Variants in CDHR1 observed in about 807,000 individuals in gnomAD.
The protein encoded by CDHR1 is cadherin-related family member 1.
Under a neutral mutation model 72.1 loss-of-function variants are expected in CDHR1, and 61 were observed. The observed-to-expected ratio is 0.85, with a 90% CI of 0.69 to 1.05. The LOEUF (loss-of-function observed/expected upper bound fraction) is 1.05. Ranked by LOEUF, CDHR1 falls within the 50% of genes least tolerant of loss-of-function variation. The probability of loss-of-function intolerance (pLI) is 0.00; values close to 1 mark genes in which losing one functional copy is unlikely to be tolerated. For missense variants in CDHR1, 1,186 were observed against 1,115.7 expected (o/e 1.06, Z -0.90); for synonymous variants, 470 against 448.1 (o/e 1.05, Z -0.62).
intron 5 of CDHR1, 87 bp downstream of exon 5, chr10:84,199,208 C>G: frequency 1.9e-6 from 2 of 1,058,238 alleles, no homozygotes; most frequent in Non-Finnish European, 2.9e-6. Context: ...GGCCATGGCT[C>G]ACTGCCCTGT....
chr10:84,209,070 A>C (rs1842282957), intron 12 of CDHR1, among the ~76,000 whole-genome samples, 189 bp downstream of exon 12: 1 of 152,160 alleles, frequency 6.6e-6, no homozygotes, highest in Non-Finnish European at 1.5e-5. Flanking sequence ...CCTGGCTTCC[A>C]CACCACAACC....
chr10:84,211,505 G>A, intron 13 of CDHR1, 143 bp from the exon 14 acceptor site: 1 of 748,048 alleles, frequency 1.3e-6, no homozygotes. Flanking sequence ...GGGATCCCGG[G>A]CAGGTCTCTC....
Position 84,215,364 on chromosome 10 carries a change from G to A in CDHR1, c.*743G>A, listed in dbSNP as rs1369951228. On this transcript the variant is annotated 3_prime_UTR_variant, in exon 17 of 17. Transcript: ENST00000623527. ...CCTGAGCCGCAAAATGTCAAAGCTGGAGCTATAGAGGTAGCCCTAAAGGCA... is the reference window on the plus strand; with the variant it reads ...CCTGAGCCGCAAAATGTCAAAGCTGAAGCTATAGAGGTAGCCCTAAAGGCA... The A allele has an allele frequency of 5.1e-6, 5 of 985,796 alleles. No homozygotes were observed. The highest frequency in any genetic ancestry group is 6.0e-6 in the Non-Finnish European group (5 of 830,254). The allele number at this position is 985,796 out of a possible 1,614,324, so 61.1% of individuals were successfully genotyped here. A position where few individuals can be genotyped will look rare whatever the true frequency, so the allele number is the denominator to read the frequency against.
chr10:84,206,001 C>A, intron 10 of CDHR1, 74 bp downstream of exon 10: 1 of 1,133,688 alleles, frequency 8.8e-7, no homozygotes, highest in Non-Finnish European at 1.3e-6. Context: ...GACACCCAGG[C>A]CCTTTTTCCT....
At chr10:84,197,459 A>G (rs1216306577) in intron 3 of CDHR1, among the ~76,000 whole-genome samples, 2 of 152,208 alleles carry the variant, frequency 1.3e-5, no homozygotes, top group Non-Finnish European at 2.9e-5. Context: ...AAAAGTCTTT[A>G]TGGGACCTTG....
In CDHR1 at chr10:84,211,076, A is replaced by G. The variant is rs763805172; in HGVS notation, c.1396A>G (p.Asn466Asp). 1.2e-6 allele frequency: 2 copies of G among 1,614,230 alleles called. No homozygotes were observed. The highest frequency in any genetic ancestry group is 1.3e-5 in the African/African-American group (1 of 75,074). Reference protein sequence around the residue: ...ADVVIQLLDTNDNVPKFDSLY... With the variant: ...ADVVIQLLDTDDNVPKFDSLY... ...TGTTGTGATCCAGCTCCTGGACACCAATGACAATGTCCCCAAGTTCGACTC... is the reference window on the plus strand; with the variant it reads ...TGTTGTGATCCAGCTCCTGGACACCGATGACAATGTCCCCAAGTTCGACTC... The change falls in exon 13 of 17, where the codon AAT (asparagine) becomes GAT (aspartate). Residue 466 changes from asparagine to aspartate, a missense_variant. Physicochemically the swap from Asn to Asp is conservative, Grantham distance 23. Coordinates refer to ENST00000623527, the MANE Select transcript of CDHR1 (RefSeq NM_033100.4).
chr10:84,210,989 C>T lies in CDHR1; in HGVS notation c.1321-12C>T, dbSNP rs942199468. 9 of 1,614,046 alleles carry T rather than the reference C, an allele frequency of 5.6e-6. No homozygotes were observed. In the African/African-American group the frequency reaches 6.7e-5, roughly 12 times the overall value. On this transcript the variant is annotated splice_polypyrimidine_tract_variant and intron_variant, in intron 12 of 16. Transcript: ENST00000623527. ...CCTACCCAGACAAGTCCCCATTTTC[C>T]CCCCTTCCCAGCTCCTGGCTGTTGA...
chr10:84,215,140 G>A lies in CDHR1; in HGVS notation c.*519G>A. ...AGCGAACCTCGTGGGCTGTAGGAAA[G>A]CAAATGTAGGTAAGGGGAGAGCAAG... On this transcript the variant is annotated 3_prime_UTR_variant, in exon 17 of 17. Coordinates refer to ENST00000623527, the MANE Select transcript of CDHR1 (RefSeq NM_033100.4). 2.9e-6 allele frequency: 3 copies of A among 1,018,944 alleles called. No homozygotes were observed. The highest frequency in any genetic ancestry group is 3.9e-5 in the South Asian group (1 of 25,450). 63.1% of individuals were successfully genotyped at this position (1,018,944 alleles called of 1,614,324 possible). A position where few individuals can be genotyped will look rare whatever the true frequency, so the allele number is the denominator to read the frequency against.
rs1842216606 is a variant in CDHR1 at position 84,205,881 on chromosome 10, AG to A, written c.918del (p.Ser307AlafsTer16). The A allele has an allele frequency of 6.2e-7, 1 of 1,614,050 alleles. No individual in the cohort carries two copies. Among genetic ancestry groups the A allele is most frequent in the Non-Finnish European group, 8.5e-7 (1 of 1,180,014 alleles). ...ACATCTGGAGCCATCTCCATCACTC[AG>A]AGCCCGGCCCAGCTCCAGAGAGAGG... Reference protein sequence around the residue: ...NETSGAISITQSPAQLQREVY... With the variant: ...NETSGAISITXSPAQLQREVY... On this transcript the variant is annotated frameshift_variant, in exon 10 of 17. Transcript: ENST00000623527. LOFTEE classifies it high-confidence loss of function.
At chr10:84,208,546 C>T (rs1842271830) in intron 11 of CDHR1, among the ~76,000 whole-genome samples, 169 bp downstream of exon 11, 1 of 152,106 alleles carries the variant, frequency 6.6e-6, no homozygotes, top group South Asian at 2.1e-4. Context: ...GGGAGAGTAA[C>T]CAATCAAAGA....
At position 84,197,738 on chromosome 10, in the gene CDHR1, A is replaced by G. The variant is rs138798963; in HGVS notation, c.298-48A>G. 11 of 1,549,826 alleles carry G rather than the reference A, an allele frequency of 7.1e-6. No individual in the cohort carries two copies. In the African/African-American group the frequency reaches 8.2e-5, roughly 11 times the overall value. On this transcript the variant is annotated intron_variant, in intron 3 of 16. Transcript: ENST00000623527. Reference sequence around the variant, plus strand: ...AGCTCCATCCAGCCACAGGGGTCCTATGGCGTGTCAGACTCCTGGACACTC... The same window carrying G: ...AGCTCCATCCAGCCACAGGGGTCCTGTGGCGTGTCAGACTCCTGGACACTC...
At chr10:84,196,279 A>C in intron 2 of CDHR1, among the ~76,000 whole-genome samples, 1 of 152,188 alleles carries the variant, frequency 6.6e-6, no homozygotes. Flanking sequence ...TACAATCTGG[A>C]AAGTGGCTGA....
intron 9 of CDHR1, 54 bp from the exon 10 acceptor site, chr10:84,205,773 C>T: frequency 7.9e-7 from 1 of 1,263,810 alleles, no homozygotes; most frequent in Non-Finnish European, 1.2e-6. Context: ...GCACGACTCC[C>T]CTGCGCCTCC....
chr10:84,195,469 C>A, intron 1 of CDHR1, 25 bp from the exon 2 acceptor site: 1 of 1,602,934 alleles, frequency 6.2e-7, no homozygotes, highest in Non-Finnish European at 8.5e-7. Context: ...CCTGGGTGTC[C>A]GTCTGTTCTG....
chr10:84,210,424 C>A (rs556314223), intron 12 of CDHR1, among the ~76,000 whole-genome samples: 1 of 151,992 alleles, frequency 6.6e-6, no homozygotes, highest in Admixed American at 6.6e-5. Context: ...CATCATCACA[C>A]CCGGCTAATT....
intron 4 of CDHR1, 126 bp downstream of exon 4, chr10:84,197,962 A>C: frequency 1.1e-6 from 1 of 885,750 alleles, no homozygotes; most frequent in East Asian, 2.6e-5. Context: ...AGGGCCCAGC[A>C]AGACCTGCCC....
Position 84,215,605 on chromosome 10 carries a change from T to A in CDHR1, c.*984T>A, listed in dbSNP as rs1247801358. The A allele has an allele frequency of 1.1e-6, 1 of 903,240 alleles. No homozygotes were observed. The highest frequency in any genetic ancestry group is 1.8e-5 in the African/African-American group (1 of 55,588). The allele number at this position is 903,240 out of a possible 1,614,324, so 56.0% of individuals were successfully genotyped here. A position where few individuals can be genotyped will look rare whatever the true frequency, so the allele number is the denominator to read the frequency against. ...GTAAATGAAGAAAGTAGGCCCTGTC[T>A]ACCTCACATGCAGGTCTAGGGTGAG... On this transcript the variant is annotated 3_prime_UTR_variant, in exon 17 of 17. Coordinates refer to ENST00000623527, the MANE Select transcript of CDHR1 (RefSeq NM_033100.4).
rs1172008026 is a variant in CDHR1, at chr10:84,213,366, G to T, written c.2040+18G>T. 6 of 1,614,076 alleles carry T rather than the reference G, an allele frequency of 3.7e-6. No homozygotes were observed. The South Asian group carries it at 6.6e-5, about 18-fold the overall frequency. On this transcript the variant is annotated intron_variant, in intron 16 of 16. Coordinates refer to ENST00000623527, the MANE Select transcript of CDHR1 (RefSeq NM_033100.4). ...ATGCTGAGGTGAGTACAAAGCCATG[G>T]TCAGGAAAAAGGGGTCAGCAGGCCA... is the stretch of plus-strand genomic sequence containing the variant.
Position 84,201,806 on chromosome 10 carries a change from G to T in CDHR1, c.526-1G>T. ...GTCCAGCTGCCCCCTAATTCTTATAGAACCTGCACTCCCCATTTGCCGTGG... is the reference window on the plus strand; with the variant it reads ...GTCCAGCTGCCCCCTAATTCTTATATAACCTGCACTCCCCATTTGCCGTGG... On this transcript the variant is annotated splice_acceptor_variant, in intron 6 of 16. Coordinates refer to ENST00000623527, the MANE Select transcript of CDHR1 (RefSeq NM_033100.4). LOFTEE classifies it high-confidence loss of function. The T allele has an allele frequency of 6.2e-7, 1 of 1,609,732 alleles. No individual in the cohort carries two copies.
Sources: allele counts gnomAD v4.1 joint callset (sites outside exome capture counted in the v4.1 genomes callset), GRCh38; gene constraint gnomAD v4.1.1; transcripts MANE v1.5; gene names NCBI Gene and HGNC (gene_info 2026-07-23, HGNC 2026-07-21).